CA10: variants seen among roughly 807,000 people sequenced by gnomAD.
CA10 encodes the protein carbonic anhydrase 10 (inactive), also known as carbonic anhydrase-related protein 10.
Under a neutral mutation model 44.2 loss-of-function variants are expected in CA10, and 14 were observed. The ratio of observed to expected loss-of-function variants is 0.32; its 90% CI spans 0.21 to 0.50. The LOEUF is 0.50. CA10 is among the 20% of genes least tolerant of loss of function. The pLI is 0.99. For missense variants in CA10, 350 were observed against 409.7 expected, an observed-to-expected ratio of 0.85 and a Z score of 1.26; for synonymous variants, 159 against 141.6, an observed-to-expected ratio of 1.12 and a Z score of -0.87.
At chr17:52,078,301 A>G (rs1170277170) in intron 1 of CA10, among the ~76,000 whole-genome samples, 1 of 152,200 alleles carries the variant, frequency 6.6e-6, no homozygotes, top group Non-Finnish European at 1.5e-5. Flanking sequence ...GAGCCCTCAC[A>G]AAGGGATCCA....
At chr17:51,830,195 C>CAAAAAAAAAAAACAAAAAAA (rs1908182145) in intron 3 of CA10, among the ~76,000 whole-genome samples, 1 of 89,986 alleles carries the variant, frequency 1.1e-5, no homozygotes, top group Non-Finnish European at 2.3e-5. Flanking sequence ...GACTCCATCT[C>CAAAAAAAAAAAACAAAAAAA]AAAAAAAAAA....
At chr17:52,072,794 T>C (rs1378858051) in intron 1 of CA10, among the ~76,000 whole-genome samples, 1 of 151,716 alleles carries the variant, frequency 6.6e-6, no homozygotes, top group African/African-American at 2.4e-5. Flanking sequence ...GGAACCCTTG[T>C]TTTGGGAGAG....
chr17:51,820,036 T>C (rs376225219), intron 3 of CA10, among the ~76,000 whole-genome samples: 2 of 152,148 alleles, frequency 1.3e-5, no homozygotes, highest in South Asian at 4.1e-4. Flanking sequence ...TTAATCATTA[T>C]AAGAACCTGA....
chr17:51,826,352 A>C (rs938494106), intron 3 of CA10, among the ~76,000 whole-genome samples: 2 of 152,192 alleles, frequency 1.3e-5, no homozygotes, highest in African/African-American at 4.8e-5. Flanking sequence ...TCAGGTTCCA[A>C]CGTGACCTTT....
chr17:51,934,069 A>C (rs963618879), intron 2 of CA10, among the ~76,000 whole-genome samples: 1 of 152,088 alleles, frequency 6.6e-6, no homozygotes, highest in East Asian at 1.9e-4. Context: ...ATCGAGGAAG[A>C]AGTGAGAAAC....
intron 2 of CA10, among the ~76,000 whole-genome samples, chr17:52,041,870 T>A (rs2907776): frequency 4.9e-4 from 74 of 152,150 alleles, no homozygotes; most frequent in African/African-American, 1.6e-3. Context: ...TTGTTTCATC[T>A]TATATAATGT....
chr17:52,051,449 G>GA lies in CA10; in HGVS notation c.136+20869dup, dbSNP rs563024545. On this transcript the variant is annotated intron_variant, in intron 2 of 8. Coordinates refer to ENST00000451037, the MANE Select transcript of CA10 (RefSeq NM_020178.5). ...ATTTATAGATAACTTAAATTCACAAGAAAAAAAAAAAACTCCATGAAGAAG... is the reference window on the plus strand; with the variant it reads ...ATTTATAGATAACTTAAATTCACAAGAAAAAAAAAAAAACTCCATGAAGAAG... Among the ~76,000 whole-genome samples the GA allele has an allele frequency of 4.8e-3, 664 of 138,764 alleles. 1 individual carries two copies. The highest frequency in any genetic ancestry group is 4.3e-3 in the Admixed American group (59 of 13,804). The allele number at this position is 138,764 out of a possible 152,430, so 91.0% of individuals were successfully genotyped here.
chr17:52,157,345 G>A (rs1175937637), intron 1 of CA10, among the ~76,000 whole-genome samples: 3 of 152,134 alleles, frequency 2.0e-5, no homozygotes, highest in African/African-American at 4.8e-5. Flanking sequence ...TTGCCAGCCA[G>A]GAACCACCGA....
chr17:52,072,249 C>T, intron 2 of CA10, 70 bp downstream of exon 2: 1 of 1,118,004 alleles, frequency 8.9e-7, no homozygotes, highest in Non-Finnish European at 1.3e-6. Context: ...AATGTAAAAT[C>T]CTGGAAATAA....
chr17:51,636,823 CT>C (rs1217364308), intron 6 of CA10, among the ~76,000 whole-genome samples: 1 of 139,966 alleles, frequency 7.1e-6, no homozygotes, highest in Non-Finnish European at 1.6e-5. Flanking sequence ...ATTTTTCTCT[CT>C]CTCAGGTCTA....
chr17:52,105,737 G>T (rs2143265537), intron 1 of CA10, among the ~76,000 whole-genome samples: 1 of 152,312 alleles, frequency 6.6e-6, no homozygotes, highest in Admixed American at 6.5e-5. Flanking sequence ...ACATGCTAAA[G>T]CATTTATTGA....
At chr17:51,991,850 C>T (rs1223172772) in intron 2 of CA10, among the ~76,000 whole-genome samples, 1 of 152,048 alleles carries the variant, frequency 6.6e-6, no homozygotes, top group Non-Finnish European at 1.5e-5. Context: ...GCTAGGCATT[C>T]CTAAAGTCTT....
chr17:52,103,585 A>C (rs2970015), intron 1 of CA10, among the ~76,000 whole-genome samples: 116,668 of 152,024 alleles, frequency 0.77, 45,395 homozygotes, highest in African/African-American at 0.9. Flanking sequence ...GAAACTCAAC[A>C]TTTGCTAGCT....
intron 3 of CA10, among the ~76,000 whole-genome samples, chr17:51,918,360 C>G (rs957984988): frequency 5.3e-5 from 8 of 152,124 alleles, no homozygotes; most frequent in Admixed American, 5.2e-4. Context: ...TGAGAAAAAT[C>G]TCTGCTCCTT....
intron 1 of CA10, among the ~76,000 whole-genome samples, chr17:52,135,333 T>C (rs577734956): frequency 6.6e-6 from 1 of 152,276 alleles, no homozygotes; most frequent in African/African-American, 2.4e-5. Flanking sequence ...CATGCAGTGG[T>C]TCTGGCCAGT....
At chr17:51,810,045 G>A (rs1298325721) in intron 3 of CA10, among the ~76,000 whole-genome samples, 1 of 152,150 alleles carries the variant, frequency 6.6e-6, no homozygotes, top group Non-Finnish European at 1.5e-5. Context: ...ACAGAATGCT[G>A]TCATTTAGCT....
intron 2 of CA10, among the ~76,000 whole-genome samples, chr17:51,963,297 A>G (rs957000740): frequency 1.3e-5 from 2 of 152,212 alleles, no homozygotes; most frequent in African/African-American, 4.8e-5. Flanking sequence ...AATTATTGGC[A>G]TTCCTGAGAG....
intron 3 of CA10, among the ~76,000 whole-genome samples, chr17:51,835,523 A>G (rs1190259228): frequency 6.6e-6 from 1 of 152,250 alleles, no homozygotes; most frequent in African/African-American, 2.4e-5. Context: ...AGTTCAGTAT[A>G]GGCACTGAAA....
intron 1 of CA10, among the ~76,000 whole-genome samples, chr17:52,086,198 GATA>G (rs1567728520): frequency 6.6e-6 from 1 of 152,172 alleles, no homozygotes; most frequent in African/African-American, 2.4e-5. Flanking sequence ...TACAAATTAA[GATA>G]ATGATAGTGT....
Sources: allele counts gnomAD v4.1 joint callset (sites outside exome capture counted in the v4.1 genomes callset), GRCh38; gene constraint gnomAD v4.1.1; transcripts MANE v1.5; gene names NCBI Gene and HGNC (gene_info 2026-07-23, HGNC 2026-07-21).